DPP10: variants seen among roughly 807,000 people sequenced by gnomAD.
The protein encoded by DPP10 is dipeptidyl peptidase like 10, also known as inactive dipeptidyl peptidase 10.
In DPP10, 33 loss-of-function variants were observed where a neutral mutation model predicts 120.9. That is an observed-to-expected ratio of 0.27 (90% CI 0.21 to 0.37). The LOEUF is 0.37. Among genes scored for constraint, DPP10 ranks in the 10% least tolerant of loss-of-function variants. The pLI is 1.00. For synonymous variants in DPP10, 337 were observed against 326.1 expected, an observed-to-expected ratio of 1.03 and a Z score of -0.36; for missense variants, 816 against 942.8, an observed-to-expected ratio of 0.87 and a Z score of 1.76.
At chr2:115,015,411 G>A (rs10166541) in intron 1 of DPP10, among the ~76,000 whole-genome samples, 2,588 of 152,148 alleles carry the variant, frequency 0.017, 69 homozygotes, top group African/African-American at 0.06. Flanking sequence ...ATGGGCAAAG[G>A]CTGGAAGCAT....
chr2:115,765,010 A>G (rs1309201586), intron 12 of DPP10, among the ~76,000 whole-genome samples: 1 of 152,156 alleles, frequency 6.6e-6, no homozygotes, highest in African/African-American at 2.4e-5. Flanking sequence ...ATAGAGTCCA[A>G]TATCCCCAGC....
intron 5 of DPP10, among the ~76,000 whole-genome samples, chr2:115,673,706 A>G (rs753978746): frequency 5.9e-5 from 9 of 152,330 alleles, no homozygotes; most frequent in Admixed American, 1.3e-4. Context: ...TGATATTTCA[A>G]ACCTGTGCTT....
At chr2:114,894,203 G>A (rs1053681467) in intron 1 of DPP10, among the ~76,000 whole-genome samples, 3 of 152,202 alleles carry the variant, frequency 2.0e-5, no homozygotes, top group African/African-American at 4.8e-5. Flanking sequence ...CCCTGTGCAA[G>A]AGATGAAGGT....
chr2:115,080,517 G>A (rs1205652306), intron 1 of DPP10, among the ~76,000 whole-genome samples: 4 of 151,936 alleles, frequency 2.6e-5, no homozygotes, highest in Admixed American at 6.6e-5. Context: ...GAGTTTTGTC[G>A]GAAACAACCC....
At chr2:115,407,883 A>G (rs1333720785) in intron 3 of DPP10, among the ~76,000 whole-genome samples, 1 of 150,888 alleles carries the variant, frequency 6.6e-6, no homozygotes, top group Non-Finnish European at 1.5e-5. Flanking sequence ...AAAAAAAAGT[A>G]GTCATTTTTT....
At chr2:115,027,409 T>A (rs1289556481) in intron 1 of DPP10, among the ~76,000 whole-genome samples, 1 of 152,202 alleles carries the variant, frequency 6.6e-6, no homozygotes, top group African/African-American at 2.4e-5. Context: ...ATGATGTATG[T>A]CATTTATTGA....
intron 5 of DPP10, among the ~76,000 whole-genome samples, chr2:115,642,465 G>A (rs139808956): frequency 6.6e-6 from 1 of 152,232 alleles, no homozygotes; most frequent in Non-Finnish European, 1.5e-5. Context: ...TACTTGAACT[G>A]CAATTCTTTT....
intron 5 of DPP10, among the ~76,000 whole-genome samples, chr2:115,575,413 C>A (rs1246125829): frequency 6.6e-6 from 1 of 152,138 alleles, no homozygotes; most frequent in Non-Finnish European, 1.5e-5. Flanking sequence ...TTCACAGGCA[C>A]CATCATTAGT....
At chr2:114,654,204 C>T (rs974748428) in intron 1 of DPP10, among the ~76,000 whole-genome samples, 1 of 152,198 alleles carries the variant, frequency 6.6e-6, no homozygotes, top group African/African-American at 2.4e-5. Flanking sequence ...ATGGTATTCT[C>T]TGTTTCTGCT....
chr2:114,624,288 A>G (rs1694319981), intron 1 of DPP10, among the ~76,000 whole-genome samples: 1 of 151,962 alleles, frequency 6.6e-6, no homozygotes, highest in South Asian at 2.1e-4. Context: ...CCACAGTAGA[A>G]CTTGATATGT....
chr2:115,800,587 T>A (rs1352990442), intron 19 of DPP10, among the ~76,000 whole-genome samples: 3 of 152,140 alleles, frequency 2.0e-5, no homozygotes, highest in Non-Finnish European at 2.9e-5. Context: ...TTTAAGTCTT[T>A]AATCCATCTT....
intron 1 of DPP10, among the ~76,000 whole-genome samples, chr2:115,130,192 G>A (rs2050269952): frequency 6.6e-6 from 1 of 152,032 alleles, no homozygotes; most frequent in Admixed American, 6.6e-5. Flanking sequence ...CACTTGCCAG[G>A]CATTTTTCAG....
intron 1 of DPP10, among the ~76,000 whole-genome samples, chr2:115,017,954 TAACA>T (rs1007446362): frequency 1.7e-4 from 25 of 151,060 alleles, no homozygotes; most frequent in Non-Finnish European, 2.5e-4. Context: ...TATACATATA[TAACA>T]AACCTGCACG....
intron 1 of DPP10, among the ~76,000 whole-genome samples, chr2:114,464,721 C>T (rs973242340): frequency 1.2e-4 from 19 of 152,046 alleles, no homozygotes; most frequent in African/African-American, 2.2e-4. Context: ...GTCCATTGGC[C>T]GAGAGCTGTG....
At chr2:115,537,273 C>G (rs2078906973) in intron 5 of DPP10, among the ~76,000 whole-genome samples, 1 of 151,906 alleles carries the variant, frequency 6.6e-6, no homozygotes, top group Non-Finnish European at 1.5e-5. Flanking sequence ...TTTATTTTTA[C>G]TATCATGAGA....
At chr2:115,288,161 C>T (rs1031771501) in intron 1 of DPP10, among the ~76,000 whole-genome samples, 11 of 152,034 alleles carry the variant, frequency 7.2e-5, no homozygotes, top group African/African-American at 2.2e-4. Flanking sequence ...TCCCTTTCTA[C>T]GACATCTGCA....
chr2:115,539,245 G>A lies in DPP10; in HGVS notation c.441+13273G>A, dbSNP rs565088897. 5.3e-5 allele frequency among the ~76,000 whole-genome samples: 8 copies of A among 152,034 alleles called. No individual in the cohort carries two copies. The South Asian group carries it at 1.5e-3, about 28-fold the overall frequency. Reference sequence around the variant, plus strand: ...AAAAGGAAAACTCTGGAAAATATGGGAAGAATAATAGATATATTCAGTATT... The same window carrying A: ...AAAAGGAAAACTCTGGAAAATATGGAAAGAATAATAGATATATTCAGTATT... On this transcript the variant is annotated intron_variant, in intron 5 of 25. Coordinates refer to ENST00000410059, the MANE Select transcript of DPP10 (RefSeq NM_020868.6).
At chr2:115,241,167 G>A (rs919273574) in intron 1 of DPP10, among the ~76,000 whole-genome samples, 1 of 152,200 alleles carries the variant, frequency 6.6e-6, no homozygotes, top group Non-Finnish European at 1.5e-5. Flanking sequence ...TACTCAGGAG[G>A]CTGAGACAGG....
chr2:114,662,898 C>G (rs1437598736), intron 1 of DPP10, among the ~76,000 whole-genome samples: 1 of 152,136 alleles, frequency 6.6e-6, no homozygotes, highest in African/African-American at 2.4e-5. Flanking sequence ...CCCAGAGACT[C>G]GGCAGAACAT....
Sources: gnomAD v4.1 joint callset for allele counts (sites outside exome capture counted in the v4.1 genomes callset) on GRCh38, gnomAD v4.1.1 for gene constraint, MANE v1.5 for transcripts, NCBI Gene and HGNC (gene_info 2026-07-23, HGNC 2026-07-21) for gene names.